QKI: variants seen among roughly 807,000 people sequenced by gnomAD.
QKI encodes the protein KH domain-containing RNA-binding protein QKI.
QKI carries 10 observed loss-of-function variants against 39.0 expected under a neutral mutation model. The ratio of observed to expected loss-of-function variants is 0.26; its 90% CI spans 0.16 to 0.43. The LOEUF (loss-of-function observed/expected upper bound fraction) is 0.43. Ranked by LOEUF, QKI falls within the 20% of genes least tolerant of loss-of-function variation. The probability of loss-of-function intolerance (pLI) is 1.00; values close to 1 mark genes in which losing one functional copy is unlikely to be tolerated. For synonymous variants in QKI, 204 were observed against 155.4 expected, an observed-to-expected ratio of 1.31 and a Z score of -2.33; for missense variants, 218 against 428.0, an observed-to-expected ratio of 0.51 and a Z score of 4.33.
At chr6:163,445,021 A>C (rs1790043546) in intron 1 of QKI, among the ~76,000 whole-genome samples, 1 of 151,988 alleles carries the variant, frequency 6.6e-6, no homozygotes, top group African/African-American at 2.4e-5. Context: ...CGATCTTTCC[A>C]CCTCAGTCTT....
At chr6:163,450,079 A>G (rs1213114132) in intron 1 of QKI, among the ~76,000 whole-genome samples, 1 of 151,986 alleles carries the variant, frequency 6.6e-6, no homozygotes, top group Admixed American at 6.6e-5. Flanking sequence ...CTTTTTTGAG[A>G]TGGAGTCTCA....
chr6:163,468,102 C>T (rs1583041612), intron 2 of QKI, among the ~76,000 whole-genome samples: 1 of 152,016 alleles, frequency 6.6e-6, no homozygotes, highest in South Asian at 2.1e-4. Flanking sequence ...GGGTGTGGTC[C>T]GTTTTTTGTC....
chr6:163,541,286 AG>A (rs1781497333), intron 4 of QKI, among the ~76,000 whole-genome samples: 1 of 152,014 alleles, frequency 6.6e-6, no homozygotes, highest in Non-Finnish European at 1.5e-5. Context: ...ATCATACTGT[AG>A]ATTTCTAATT....
intron 1 of QKI, among the ~76,000 whole-genome samples, chr6:163,427,243 CTTTTTTTTTTT>C (rs11375326): frequency 1.2e-5 from 1 of 85,794 alleles, no homozygotes; most frequent in African/African-American, 4.6e-5. Context: ...ATACTCGTAC[CTTTTTTTTTTT>C]TTTTTTTTTT....
intron 1 of QKI, among the ~76,000 whole-genome samples, chr6:163,420,380 G>T (rs1487096455): frequency 6.6e-6 from 1 of 152,084 alleles, no homozygotes; most frequent in Admixed American, 6.5e-5. Context: ...CTCTGTTGGA[G>T]ATGGAAAATG....
At chr6:163,495,019 G>A (rs1156575361) in intron 3 of QKI, among the ~76,000 whole-genome samples, 4 of 151,960 alleles carry the variant, frequency 2.6e-5, no homozygotes, top group African/African-American at 9.7e-5. Flanking sequence ...GGGTTCAGGC[G>A]ATTCCCTTGC....
intron 7 of QKI, chr6:163,567,535 A>G: frequency 1.0e-6 from 1 of 984,462 alleles, no homozygotes; most frequent in South Asian, 4.7e-5. Context: ...ATAATTTTTG[A>G]CTAACCTGTG....
In QKI at chr6:163,577,061, C is replaced by T. The variant is rs745895198; in HGVS notation, c.*6351C>T. The T allele has an allele frequency of 3.3e-5, 5 of 152,154 alleles. No homozygotes were observed. The highest frequency in any genetic ancestry group is 5.9e-5 in the Non-Finnish European group (4 of 68,016). 9.4% of individuals were successfully genotyped at this position (152,154 alleles called of 1,614,324 possible). A position where few individuals can be genotyped will look rare whatever the true frequency, so the allele number is the denominator to read the frequency against. On this transcript the variant is annotated 3_prime_UTR_variant, in exon 8 of 8. Transcript: ENST00000361752. ...TCAGCTTCATGAAAAGGACTAGTGT[C>T]ATTAACCTGTTGAACAGAATTGGTT...
At chr6:163,453,573 AT>A (rs1175590425) in intron 1 of QKI, among the ~76,000 whole-genome samples, 4 of 152,170 alleles carry the variant, frequency 2.6e-5, no homozygotes, top group African/African-American at 4.8e-5. Flanking sequence ...TGAAAACTTG[AT>A]TTGAGAATTG....
At chr6:163,431,753 G>A (rs1203472206) in intron 1 of QKI, among the ~76,000 whole-genome samples, 1 of 150,040 alleles carries the variant, frequency 6.7e-6, no homozygotes, top group Non-Finnish European at 1.5e-5. Flanking sequence ...AAGTCTAAGG[G>A]TGGATAGTAG....
intron 3 of QKI, among the ~76,000 whole-genome samples, chr6:163,512,475 A>G (rs1283457578): frequency 2.6e-5 from 4 of 152,086 alleles, no homozygotes; most frequent in African/African-American, 9.6e-5. Context: ...GTCTCTGTGT[A>G]TCAAGTAACA....
chr6:163,519,589 A>T (rs1417307191), intron 3 of QKI, among the ~76,000 whole-genome samples: 1 of 151,692 alleles, frequency 6.6e-6, no homozygotes, highest in Non-Finnish European at 1.5e-5. Context: ...TCTACCATTC[A>T]GGCTTACTAG....
chr6:163,436,549 C>G (rs1050462600), intron 1 of QKI, among the ~76,000 whole-genome samples: 2 of 152,122 alleles, frequency 1.3e-5, no homozygotes, highest in African/African-American at 4.8e-5. Flanking sequence ...TGCGGTGGCT[C>G]ACACCTGTAA....
chr6:163,574,531 T>TA lies in QKI; in HGVS notation c.*3822dup, dbSNP rs1189526061. 6.6e-6 allele frequency: 1 copy of TA among 152,208 alleles called. No individual in the cohort carries two copies. The highest frequency in any genetic ancestry group is 1.5e-5 in the Non-Finnish European group (1 of 68,028). The allele number at this position is 152,208 out of a possible 1,614,324, so 9.4% of individuals were successfully genotyped here. A position where few individuals can be genotyped will look rare whatever the true frequency, so the allele number is the denominator to read the frequency against. ...TTTTCTCTGTCACCTACTTTACAAA[T>TA]ACAGTCAGACTAAAACATTAAACAA... On this transcript the variant is annotated 3_prime_UTR_variant, in exon 8 of 8. Transcript: ENST00000361752.
chr6:163,461,912 G>T (rs1791383210), intron 2 of QKI, among the ~76,000 whole-genome samples: 2 of 152,148 alleles, frequency 1.3e-5, no homozygotes, highest in African/African-American at 4.8e-5. Context: ...TTCAGTTCCT[G>T]TTTATAAGTA....
intron 1 of QKI, among the ~76,000 whole-genome samples, chr6:163,436,002 C>G (rs1004064579): frequency 3.3e-5 from 5 of 152,132 alleles, no homozygotes; most frequent in African/African-American, 1.2e-4. Context: ...ATTCAGTACA[C>G]ACTATTTAAA....
intron 1 of QKI, among the ~76,000 whole-genome samples, chr6:163,430,916 T>G (rs1339237993): frequency 6.6e-6 from 1 of 152,180 alleles, no homozygotes; most frequent in Non-Finnish European, 1.5e-5. Context: ...GAATTCAGGA[T>G]GTGTTGCCAT....
At chr6:163,550,580 G>A (rs1407137979) in intron 4 of QKI, among the ~76,000 whole-genome samples, 1 of 152,120 alleles carries the variant, frequency 6.6e-6, no homozygotes, top group Non-Finnish European at 1.5e-5. Context: ...CACAGCAGTT[G>A]CCTTTTTTTC....
At chr6:163,514,327 CAACA>C (rs1779663750) in intron 3 of QKI, among the ~76,000 whole-genome samples, 2 of 152,016 alleles carry the variant, frequency 1.3e-5, no homozygotes, top group Admixed American at 1.3e-4. Flanking sequence ...ATGGAAAATG[CAACA>C]AACAGCTTTA....
Sources: gnomAD v4.1 joint callset for allele counts (sites outside exome capture counted in the v4.1 genomes callset) on GRCh38, gnomAD v4.1.1 for gene constraint, MANE v1.5 for transcripts, NCBI Gene and HGNC (gene_info 2026-07-23, HGNC 2026-07-21) for gene names.